MCC: variants seen among roughly 807,000 people sequenced by gnomAD.
MCC encodes MCC regulator of Wnt signaling pathway, also known as colorectal mutant cancer protein.
MCC carries 90 observed loss-of-function variants against 116.2 expected under a neutral mutation model. The ratio of observed to expected loss-of-function variants is 0.77; its 90% CI spans 0.65 to 0.92. MCC has a LOEUF of 0.92. Among genes scored for constraint, MCC ranks in the 40% least tolerant of loss-of-function variants. MCC has a pLI of 0.00. For synonymous variants in MCC, 578 were observed against 510.5 expected, an observed-to-expected ratio of 1.13 and a Z score of -1.78; for missense variants, 1,516 against 1,312.2, an observed-to-expected ratio of 1.16 and a Z score of -2.40.
At chr5:113,031,891 C>T (rs905981334) in intron 17 of MCC, among the ~76,000 whole-genome samples, 50 of 152,068 alleles carry the variant, frequency 3.3e-4, no homozygotes, top group African/African-American at 9.7e-4. Flanking sequence ...AGGGTTGTGG[C>T]GCAGGAGTGG....
At chr5:113,439,266 C>A (rs1770956923) in intron 1 of MCC, among the ~76,000 whole-genome samples, 1 of 152,180 alleles carries the variant, frequency 6.6e-6, no homozygotes, top group South Asian at 2.1e-4. Flanking sequence ...AAGTGCCAGT[C>A]AAGTCCTAGA....
rs144229992 is a variant in MCC at position 113,178,328 on chromosome 5, G to C, written c.628-26906C>G. Among the ~76,000 whole-genome samples, 115 of 152,320 alleles carry C rather than the reference G, an allele frequency of 7.5e-4. No individual in the cohort carries two copies. In the East Asian group the frequency reaches 0.021, roughly 28 times the overall value. On this transcript the variant is annotated intron_variant, in intron 3 of 18. Transcript: ENST00000408903. ...AGCAGCTTTCCTAGCAAGGTGGCTA[G>C]GGGTCAGATTTAGACATAAAGTGTA...
At chr5:113,343,616 G>T (rs1768062987) in intron 2 of MCC, among the ~76,000 whole-genome samples, 2 of 152,176 alleles carry the variant, frequency 1.3e-5, no homozygotes, top group African/African-American at 4.8e-5. Flanking sequence ...AGAGGGCTGG[G>T]CCTTGCCTTA....
At chr5:113,125,574 G>T (rs536519588) in intron 5 of MCC, among the ~76,000 whole-genome samples, 10 of 152,234 alleles carry the variant, frequency 6.6e-5, no homozygotes, top group African/African-American at 1.9e-4. Flanking sequence ...ACCTGGGACC[G>T]GGAAATGACA....
chr5:113,229,463 A>G (rs1156682974), intron 3 of MCC, among the ~76,000 whole-genome samples: 1 of 152,182 alleles, frequency 6.6e-6, no homozygotes, highest in African/African-American at 2.4e-5. Context: ...CAAATGGAGG[A>G]GGTTAGCTTA....
At position 113,220,376 on chromosome 5, in the gene MCC, T is replaced by C. The variant is rs142266376; in HGVS notation, c.628-68954A>G. Among the ~76,000 whole-genome samples, 886 of 152,178 alleles carry C rather than the reference T, an allele frequency of 5.8e-3. 6 individuals are homozygous for C. Among genetic ancestry groups the C allele is most frequent in the African/African-American group, 0.02 (811 of 41,534 alleles). ...GCCCGGCCAGCATGTCAATTTCTACTGAAATGTCTGCTGAGATTTTAATTG... is the reference window on the plus strand; with the variant it reads ...GCCCGGCCAGCATGTCAATTTCTACCGAAATGTCTGCTGAGATTTTAATTG... On this transcript the variant is annotated intron_variant, in intron 3 of 18. Coordinates refer to ENST00000408903, the MANE Select transcript of MCC (RefSeq NM_001085377.2).
rs545361355 is a variant in MCC at position 113,307,768 on chromosome 5, G to T, written c.627+32751C>A. Among the ~76,000 whole-genome samples, 9 of 152,288 alleles carry T rather than the reference G, an allele frequency of 5.9e-5. No homozygotes were observed. In the South Asian group the frequency reaches 1.7e-3, roughly 28 times the overall value. On this transcript the variant is annotated intron_variant, in intron 3 of 18. Coordinates refer to ENST00000408903, the MANE Select transcript of MCC (RefSeq NM_001085377.2). ...CATTCAGTCTTTTACCATTAAAAATGATGTTAGCTGTAGGTTTTTTGTAGA... is the reference window on the plus strand; with the variant it reads ...CATTCAGTCTTTTACCATTAAAAATTATGTTAGCTGTAGGTTTTTTGTAGA...
At chr5:113,148,886 A>C (rs1759679570) in intron 4 of MCC, among the ~76,000 whole-genome samples, 1 of 152,176 alleles carries the variant, frequency 6.6e-6, no homozygotes, top group African/African-American at 2.4e-5. Context: ...CAAGGGTAAA[A>C]TCAGTCATCA....
chr5:113,448,372 C>T (rs1771282041), intron 1 of MCC: 1 of 152,080 alleles, frequency 6.6e-6, no homozygotes, highest in South Asian at 2.1e-4. Flanking sequence ...CCAGACACAA[C>T]TGGCTTCACA....
chr5:113,443,649 T>C (rs1771115142), intron 1 of MCC, among the ~76,000 whole-genome samples: 1 of 152,188 alleles, frequency 6.6e-6, no homozygotes, highest in Non-Finnish European at 1.5e-5. Flanking sequence ...AAATAGCTCT[T>C]ATTATTTTGA....
chr5:113,461,128 G>A (rs1012724317), intron 1 of MCC, among the ~76,000 whole-genome samples: 3 of 152,102 alleles, frequency 2.0e-5, no homozygotes, highest in African/African-American at 7.2e-5. Context: ...AGGCATGGTG[G>A]TGCACACCTG....
At chr5:113,028,010 T>G (rs1332337339) in intron 18 of MCC, among the ~76,000 whole-genome samples, 2 of 152,126 alleles carry the variant, frequency 1.3e-5, no homozygotes, top group Non-Finnish European at 2.9e-5. Context: ...AAGCCAAACA[T>G]GGAATATACA....
chr5:113,473,133 A>T (rs1055573465), intron 1 of MCC, among the ~76,000 whole-genome samples: 2 of 152,192 alleles, frequency 1.3e-5, no homozygotes, highest in African/African-American at 4.8e-5. Context: ...TACTGTGACT[A>T]CCCAGTAACT....
At chr5:113,478,604 A>G (rs1772293911) in intron 1 of MCC, among the ~76,000 whole-genome samples, 1 of 152,216 alleles carries the variant, frequency 6.6e-6, no homozygotes, top group South Asian at 2.1e-4. Context: ...GCCATCAGAC[A>G]TGGAAGTCAA....
intron 1 of MCC, chr5:113,437,088 A>G (rs1359515156): frequency 6.6e-6 from 1 of 152,128 alleles, no homozygotes; most frequent in Admixed American, 6.5e-5. Flanking sequence ...TCTCTTCAAA[A>G]AAAAAAAAAG....
At chr5:113,258,519 C>G (rs1765103284) in intron 3 of MCC, among the ~76,000 whole-genome samples, 1 of 152,246 alleles carries the variant, frequency 6.6e-6, no homozygotes. Flanking sequence ...CTATTGTAAA[C>G]TGCACTGCAA....
At chr5:113,140,531 C>T (rs995342368) in intron 5 of MCC, among the ~76,000 whole-genome samples, 1 of 152,312 alleles carries the variant, frequency 6.6e-6, no homozygotes, top group African/African-American at 2.4e-5. Flanking sequence ...TACATTAGCA[C>T]TGTGACTGTA....
intron 6 of MCC, among the ~76,000 whole-genome samples, chr5:113,109,936 C>G (rs1756990852): frequency 6.6e-6 from 1 of 152,198 alleles, no homozygotes; most frequent in South Asian, 2.1e-4. Flanking sequence ...GGCAGGCCCA[C>G]TGGCTTTCTC....
At chr5:113,132,407 CATAT>C (rs1267813272) in intron 5 of MCC, among the ~76,000 whole-genome samples, 5 of 62,552 alleles carry the variant, frequency 8.0e-5, no homozygotes, top group East Asian at 7.0e-4. Context: ...TACATACATA[CATAT>C]ATATATACAC....
Sources: allele counts gnomAD v4.1 joint callset (sites outside exome capture counted in the v4.1 genomes callset), GRCh38; gene constraint gnomAD v4.1.1; transcripts MANE v1.5; gene names NCBI Gene and HGNC (gene_info 2026-07-23, HGNC 2026-07-21).